TRIM33: variants seen among roughly 807,000 people sequenced by gnomAD.
TRIM33 encodes E3 ubiquitin-protein ligase TRIM33.
A neutral mutation model predicts 125.4 loss-of-function variants in TRIM33; 20 were observed. The observed-to-expected ratio is 0.16, with a 90% CI of 0.11 to 0.23. The LOEUF (loss-of-function observed/expected upper bound fraction) is 0.23. Ranked by LOEUF, TRIM33 falls within the 10% of genes least tolerant of loss-of-function variation. The pLI is 1.00. For synonymous variants in TRIM33, 564 were observed against 513.9 expected, an observed-to-expected ratio of 1.10 and a Z score of -1.32; for missense variants, 920 against 1,411.4, an observed-to-expected ratio of 0.65 and a Z score of 5.58.
chr1:114,421,164 G>T (rs1455920963), intron 11 of TRIM33, among the ~76,000 whole-genome samples: 5 of 152,064 alleles, frequency 3.3e-5, no homozygotes. Context: ...CTTACATGTG[G>T]AATCTAAAAA....
intron 1 of TRIM33, among the ~76,000 whole-genome samples, chr1:114,479,762 T>C (rs1453056503): frequency 7.8e-6 from 1 of 128,440 alleles, no homozygotes; most frequent in Non-Finnish European, 1.7e-5. Flanking sequence ...TGTCCTGAAG[T>C]GAATTGTGGT....
At chr1:114,403,826 A>G (rs1652058957) in intron 15 of TRIM33, among the ~76,000 whole-genome samples, 1 of 152,026 alleles carries the variant, frequency 6.6e-6, no homozygotes, top group African/African-American at 2.4e-5. Context: ...ATGCCTGGCC[A>G]ATTTTTGTAT....
intron 12 of TRIM33, among the ~76,000 whole-genome samples, chr1:114,409,522 G>C (rs1189291028): frequency 6.6e-6 from 1 of 150,438 alleles, no homozygotes; most frequent in Non-Finnish European, 1.5e-5. Context: ...CTCTTCAACT[G>C]ACTCTGTATT....
intron 4 of TRIM33, among the ~76,000 whole-genome samples, chr1:114,459,756 TTC>T (rs952153336): frequency 6.6e-6 from 1 of 151,588 alleles, no homozygotes; most frequent in African/African-American, 2.4e-5. Context: ...ATAAGAAAAA[TTC>T]TCTCTCTCCA....
chr1:114,459,191 G>C (rs1469825480), intron 4 of TRIM33, among the ~76,000 whole-genome samples: 1 of 152,124 alleles, frequency 6.6e-6, no homozygotes, highest in East Asian at 1.9e-4. Context: ...GCTGCCAGGG[G>C]AACCAACCAG....
At chr1:114,420,433 T>C (rs1344921489) in intron 11 of TRIM33, 3 of 1,334,916 alleles carry the variant, frequency 2.2e-6, no homozygotes, top group Non-Finnish European at 9.9e-7. Context: ...CAGGAGTGCA[T>C]CATCGGAACA....
intron 1 of TRIM33, among the ~76,000 whole-genome samples, chr1:114,498,126 CA>C (rs71090785): frequency 4.9e-3 from 367 of 74,162 alleles, no homozygotes; most frequent in African/African-American, 0.016. Flanking sequence ...GACTCTGTCT[CA>C]AAAAAAAAAA....
At chr1:114,401,989 T>G (rs1309101649) in intron 16 of TRIM33, among the ~76,000 whole-genome samples, 2 of 152,238 alleles carry the variant, frequency 1.3e-5, no homozygotes, top group Non-Finnish European at 2.9e-5. Flanking sequence ...AAACTTCTTT[T>G]AATACAAGTT....
At chr1:114,487,311 T>C (rs1428278987) in intron 1 of TRIM33, among the ~76,000 whole-genome samples, 2 of 134,346 alleles carry the variant, frequency 1.5e-5, no homozygotes, top group African/African-American at 5.7e-5. Flanking sequence ...CAAATGACAG[T>C]GGATCTCTCA....
At chr1:114,463,311 T>C in intron 3 of TRIM33, 75 bp from the exon 4 acceptor site, 1 of 1,554,246 alleles carries the variant, frequency 6.4e-7, no homozygotes, top group Non-Finnish European at 8.7e-7. Context: ...CCTATTGATG[T>C]TGCTATCCAA....
chr1:114,494,014 G>C (rs1021471936), intron 1 of TRIM33, among the ~76,000 whole-genome samples: 1 of 152,054 alleles, frequency 6.6e-6, no homozygotes, highest in African/African-American at 2.4e-5. Flanking sequence ...TAGTAGAGAT[G>C]GGGTTTCACC....
intron 4 of TRIM33, among the ~76,000 whole-genome samples, chr1:114,456,211 A>C (rs1161133843): frequency 1.3e-5 from 2 of 152,220 alleles, no homozygotes; most frequent in African/African-American, 4.8e-5. Context: ...ACGTAAGTTC[A>C]CCTTGAGGTC....
intron 1 of TRIM33, among the ~76,000 whole-genome samples, chr1:114,488,047 T>C (rs543169633): frequency 6.6e-6 from 1 of 152,188 alleles, no homozygotes; most frequent in South Asian, 2.1e-4. Flanking sequence ...GATAATCATT[T>C]TAAAACTAGG....
At position 114,397,454 on chromosome 1, in the gene TRIM33, C is replaced by T. The variant is rs1651597749; in HGVS notation, c.*194G>A. The T allele has an allele frequency of 1.1e-5, 6 of 557,622 alleles. No homozygotes were observed. In the South Asian group the frequency reaches 1.5e-4, roughly 14 times the overall value. The allele number at this position is 557,622 out of a possible 1,614,324, so 34.5% of individuals were successfully genotyped here. On this transcript the variant is annotated 3_prime_UTR_variant, in exon 20 of 20. Coordinates refer to ENST00000358465, the MANE Select transcript of TRIM33 (RefSeq NM_015906.4). ...GAAACTTGCAAACAGACTTCTCTCC[C>T]CCTTTCTTGACAAGAATGTGTTTCT...
intron 1 of TRIM33, among the ~76,000 whole-genome samples, chr1:114,485,171 A>G (rs1038936687): frequency 2.0e-5 from 3 of 152,208 alleles, no homozygotes; most frequent in Admixed American, 2.0e-4. Context: ...TTAGTGAGTC[A>G]TGATTCCATA....
In TRIM33 at chr1:114,394,205, T is replaced by C. The variant is rs905891317; in HGVS notation, c.*3443A>G. ...CTACTCACTGATCCGATGCTGAGTA[T>C]GCAAATAAGCAGTGCTGATTTTGAC... On this transcript the variant is annotated 3_prime_UTR_variant, in exon 20 of 20. Transcript: ENST00000358465. The C allele has an allele frequency of 1.3e-5, 3 of 229,392 alleles. No individual in the cohort carries two copies. The highest frequency in any genetic ancestry group is 2.6e-5 in the Non-Finnish European group (3 of 115,452). The allele number at this position is 229,392 out of a possible 1,614,324, so 14.2% of individuals were successfully genotyped here.
intron 8 of TRIM33, among the ~76,000 whole-genome samples, chr1:114,425,947 C>T (rs994028531): frequency 2.6e-5 from 4 of 152,154 alleles, no homozygotes; most frequent in Admixed American, 2.0e-4. Flanking sequence ...AATATACTCT[C>T]TGTCCTTATT....
At chr1:114,460,568 GCCA>G (rs1649910519) in intron 4 of TRIM33, among the ~76,000 whole-genome samples, 2 of 108,230 alleles carry the variant, frequency 1.8e-5, no homozygotes, top group Admixed American at 1.1e-4. Context: ...AACACCCCCC[GCCA>G]CCTTTTTTTT....
At chr1:114,496,054 C>T (rs762857305) in intron 1 of TRIM33, among the ~76,000 whole-genome samples, 1 of 152,214 alleles carries the variant, frequency 6.6e-6, no homozygotes, top group Non-Finnish European at 1.5e-5. Context: ...ATACGAAGGA[C>T]AGCTGAAATG....
Sources: gnomAD v4.1 joint callset for allele counts (sites outside exome capture counted in the v4.1 genomes callset) on GRCh38, gnomAD v4.1.1 for gene constraint, MANE v1.5 for transcripts, NCBI Gene and HGNC (gene_info 2026-07-23, HGNC 2026-07-21) for gene names.